Variants in ABCB5 observed in about 807,000 individuals in gnomAD.
ABCB5 encodes the protein ATP binding cassette subfamily B member 5.
In ABCB5, 155 loss-of-function variants were observed where a neutral mutation model predicts 144.2. That is an observed-to-expected ratio of 1.08 (90% CI 0.94 to 1.23). The LOEUF (loss-of-function observed/expected upper bound fraction) is 1.23, where lower values mean the gene tolerates loss of function less well. Ranked by LOEUF, ABCB5 falls within the 50% of genes most tolerant of loss-of-function variation. The probability of loss-of-function intolerance (pLI) is 0.00; values close to 1 mark genes in which losing one functional copy is unlikely to be tolerated. For missense variants in ABCB5, 1,830 were observed against 1,520.8 expected (o/e 1.20, Z -3.38); for synonymous variants, 610 against 528.6 (o/e 1.15, Z -2.11).
intron 4 of ABCB5, 124 bp downstream of exon 4, chr7:20,628,962 A>C: frequency 8.7e-7 from 1 of 1,143,154 alleles, no homozygotes; most frequent in Non-Finnish European, 1.2e-6. Context: ...TATGTATTTA[A>C]GTCATTTATT....
chr7:20,734,932 T>C (rs1484382756), intron 23 of ABCB5, among the ~76,000 whole-genome samples: 1 of 151,846 alleles, frequency 6.6e-6, no homozygotes, highest in Non-Finnish European at 1.5e-5. Context: ...ATAAGTTTAT[T>C]TTATCCTATC....
intron 14 of ABCB5, among the ~76,000 whole-genome samples, chr7:20,670,872 G>T (rs963455989): frequency 6.6e-6 from 1 of 152,168 alleles, no homozygotes; most frequent in Admixed American, 6.5e-5. Flanking sequence ...TCGTGCCATT[G>T]CACTCCAGCC....
chr7:20,652,849 G>A (rs1168660210), intron 13 of ABCB5, among the ~76,000 whole-genome samples: 40 of 152,060 alleles, frequency 2.6e-4, no homozygotes, highest in Admixed American at 2.6e-3. Context: ...CATCCCAGAG[G>A]GTCACAATAA....
chr7:20,692,537 A>C (rs1056896961), intron 16 of ABCB5, among the ~76,000 whole-genome samples: 2 of 151,540 alleles, frequency 1.3e-5, no homozygotes, highest in Admixed American at 6.6e-5. Flanking sequence ...AAATCTGAAT[A>C]TACACAAAGG....
At chr7:20,671,400 T>C (rs73280636) in intron 14 of ABCB5, among the ~76,000 whole-genome samples, 8,896 of 152,290 alleles carry the variant, frequency 0.058, 827 homozygotes, top group African/African-American at 0.19. Context: ...TTGGCGTATA[T>C]GTACACCAAA....
Position 20,685,742 on chromosome 7 carries a change from C to T in ABCB5, c.1916C>T (p.Thr639Ile), listed in dbSNP as rs1338184826. ...CAGATGGAGTCAATGACATATTCTA[C>T]TGAAAGAAAGACCAACTCACTTCCT... is the stretch of plus-strand genomic sequence containing the variant. ...DEQMESMTYS[T>I]ERKTNSLPLH... is the part of the protein sequence containing the mutation. Residue 639 changes from threonine (T) to isoleucine (I), a missense_variant, in exon 16 of 28, where the codon ACT (threonine) becomes ATT (isoleucine). Thr to Ile is a moderately conservative substitution (Grantham distance 89). Coordinates refer to ENST00000404938, the MANE Select transcript of ABCB5 (RefSeq NM_001163941.2). 2.5e-6 allele frequency: 4 copies of T among 1,612,960 alleles called. No homozygotes were observed. In the African/African-American group the frequency reaches 5.3e-5, roughly 22 times the overall value.
rs769464612 is a variant in ABCB5 at position 20,651,389 on chromosome 7, T to A, written c.1333-31T>A. 6.8e-6 allele frequency: 11 copies of A among 1,612,054 alleles called. No individual in the cohort carries two copies. In the South Asian group the frequency reaches 9.9e-5, roughly 14 times the overall value. On this transcript the variant is annotated intron_variant, in intron 12 of 27. Transcript: ENST00000404938. ...CCTAAAATCAATACAGTAAAAGGCATCACAACATGGTTCATTCTTTGGATT... is the reference window on the plus strand; with the variant it reads ...CCTAAAATCAATACAGTAAAAGGCAACACAACATGGTTCATTCTTTGGATT...
intron 13 of ABCB5, among the ~76,000 whole-genome samples, chr7:20,657,615 G>C (rs1003320309): frequency 2.0e-5 from 3 of 152,190 alleles, no homozygotes; most frequent in African/African-American, 4.8e-5. Flanking sequence ...TGCAGGCATG[G>C]TATGGGTTTT....
intron 20 of ABCB5, among the ~76,000 whole-genome samples, chr7:20,709,162 G>A (rs1182799149): frequency 6.6e-6 from 1 of 150,796 alleles, no homozygotes; most frequent in Non-Finnish European, 1.5e-5. Flanking sequence ...TATAAGTTAC[G>A]CAGTCTGAAC....
chr7:20,724,953 A>G (rs1781989035), intron 21 of ABCB5, among the ~76,000 whole-genome samples: 2 of 152,180 alleles, frequency 1.3e-5, no homozygotes, highest in African/African-American at 2.4e-5. Flanking sequence ...GACAGTAAAC[A>G]GTTGTTTAGA....
At chr7:20,717,712 C>T (rs1395885525) in intron 20 of ABCB5, among the ~76,000 whole-genome samples, 3 of 151,826 alleles carry the variant, frequency 2.0e-5, no homozygotes, top group African/African-American at 7.2e-5. Flanking sequence ...GCTGGGATTA[C>T]AGGCGCGAGC....
intron 14 of ABCB5, among the ~76,000 whole-genome samples, chr7:20,676,825 G>T (rs1157526666): frequency 1.3e-5 from 2 of 152,092 alleles, no homozygotes; most frequent in East Asian, 1.9e-4. Context: ...ATTATCAAAT[G>T]AAGAATATAA....
chr7:20,652,549 A>C (rs529954202), intron 13 of ABCB5, among the ~76,000 whole-genome samples: 1 of 151,648 alleles, frequency 6.6e-6, no homozygotes, highest in African/African-American at 2.4e-5. Flanking sequence ...CAACCTGAGC[A>C]ACAGAGTGAG....
intron 5 of ABCB5, among the ~76,000 whole-genome samples, chr7:20,634,410 ACTCAGTATTAACAC>A (rs1185051836): frequency 1.3e-5 from 2 of 152,010 alleles, no homozygotes; most frequent in African/African-American, 4.8e-5. Context: ...TTGGGTACAT[ACTCAGTATTAACAC>A]TGCCAAATTG....
Position 20,738,982 on chromosome 7 carries a change from G to C in ABCB5, c.2868-1G>C. On this transcript the variant is annotated splice_acceptor_variant, in intron 23 of 27. Transcript: ENST00000404938. LOFTEE classifies it high-confidence loss of function. ...GATTCAAATGCTTTATCTTTTGATA[G>C]AGTTTTTACTGCAATTGCATATGGA... 1 of 1,587,760 alleles carries C rather than the reference G, an allele frequency of 6.3e-7. No individual in the cohort carries two copies. The highest frequency in any genetic ancestry group is 8.6e-7 in the Non-Finnish European group (1 of 1,168,152).
chr7:20,624,617 T>C (rs1263841174), intron 2 of ABCB5, among the ~76,000 whole-genome samples: 4 of 152,102 alleles, frequency 2.6e-5, no homozygotes, highest in Non-Finnish European at 2.9e-5. Context: ...TAGTGAGATA[T>C]AGGTGTGGGG....
chr7:20,755,438 T>C lies in ABCB5; in HGVS notation c.3588T>C (p.His1196=), dbSNP rs1319105567. 1 of 1,614,230 alleles carries C rather than the reference T, an allele frequency of 6.2e-7. No individual in the cohort carries two copies. The highest frequency in any genetic ancestry group is 8.5e-7 in the Non-Finnish European group (1 of 1,180,036). ...TTTCTCTCTTCCAGGTGGTTCAGCA[T>C]GCCCTTGATAAAGCCAGGACGGGAA... ...LDNDSEKVVQ[H]ALDKARTGRT... The change falls in exon 28 of 28, where the codon CAT becomes CAC. Residue 1196 remains histidine (H), a synonymous_variant. Transcript: ENST00000404938.
intron 23 of ABCB5, among the ~76,000 whole-genome samples, chr7:20,735,057 G>A (rs1370483069): frequency 2.6e-5 from 4 of 152,124 alleles, no homozygotes; most frequent in Non-Finnish European, 1.5e-5. Flanking sequence ...CCACTGCAAA[G>A]CTTTCTCTAT....
intron 13 of ABCB5, 127 bp from the exon 14 acceptor site, chr7:20,658,379 A>G (rs1181188261): frequency 1.3e-6 from 1 of 754,492 alleles, no homozygotes; most frequent in East Asian, 2.9e-5. Context: ...ATCAAAAGAC[A>G]TAAGCACCCA....
Sources: allele counts gnomAD v4.1 joint callset (sites outside exome capture counted in the v4.1 genomes callset), GRCh38; gene constraint gnomAD v4.1.1; transcripts MANE v1.5; gene names NCBI Gene and HGNC (gene_info 2026-07-23, HGNC 2026-07-21).